LINC00305: variants seen among roughly 807,000 people sequenced by gnomAD.
LINC00305 encodes the protein long independently transcribed non-coding RNA 305.
chr18:64,084,545 T>C (rs939303835), intron 3 of LINC00305, among the ~76,000 whole-genome samples: 1 of 152,254 alleles, frequency 6.6e-6, no homozygotes, highest in African/African-American at 2.4e-5. Context: ...TATTTTTAGA[T>C]ATTTTACTCC....
At chr18:64,098,488 G>A (rs2051255602) in intron 2 of LINC00305, 1 of 414,762 alleles carries the variant, frequency 2.4e-6, no homozygotes, top group Non-Finnish European at 4.7e-6. Flanking sequence ...TTCTAATTTG[G>A]GAAACAAATT....
At chr18:64,134,303 AG>A in intron 1 of LINC00305, among the ~76,000 whole-genome samples, 1 of 152,330 alleles carries the variant, frequency 6.6e-6, no homozygotes, top group East Asian at 1.9e-4. Context: ...AGTTCTTATT[AG>A]CAGGAAAACA....
At chr18:64,124,434 A>G (rs567351838) in intron 1 of LINC00305, among the ~76,000 whole-genome samples, 1 of 152,226 alleles carries the variant, frequency 6.6e-6, no homozygotes, top group African/African-American at 2.4e-5. Flanking sequence ...CTGTGCTAAA[A>G]TCACACCATG....
At chr18:64,087,123 A>T (rs2051206429) in intron 3 of LINC00305, among the ~76,000 whole-genome samples, 1 of 152,226 alleles carries the variant, frequency 6.6e-6, no homozygotes, top group Non-Finnish European at 1.5e-5. Context: ...TATTATACAC[A>T]TGGAAATAGC....
chr18:64,099,579 T>TC (rs2051260231), intron 1 of LINC00305, among the ~76,000 whole-genome samples: 1 of 152,186 alleles, frequency 6.6e-6, no homozygotes, highest in South Asian at 2.1e-4. Context: ...TGCTAGCTGG[T>TC]CACCTGAATT....
chr18:64,120,295 A>G (rs1438245691), intron 1 of LINC00305, among the ~76,000 whole-genome samples: 3 of 152,040 alleles, frequency 2.0e-5, no homozygotes, highest in African/African-American at 7.2e-5. Context: ...TTGTTAGTTT[A>G]AAGAGATTCT....
At chr18:64,118,226 A>G (rs558822501) in intron 1 of LINC00305, among the ~76,000 whole-genome samples, 1 of 152,332 alleles carries the variant, frequency 6.6e-6, no homozygotes, top group African/African-American at 2.4e-5. Flanking sequence ...AAGAACATGC[A>G]CAATTATGTG....
intron 1 of LINC00305, among the ~76,000 whole-genome samples, chr18:64,130,347 G>A (rs1275951926): frequency 1.3e-5 from 2 of 151,980 alleles, no homozygotes; most frequent in African/African-American, 2.4e-5. Context: ...GAATAATTAG[G>A]TCCCTTTTTC....
chr18:64,088,237 T>C (rs2144893615), intron 3 of LINC00305, among the ~76,000 whole-genome samples: 1 of 152,338 alleles, frequency 6.6e-6, no homozygotes, highest in Middle Eastern at 3.4e-3. Context: ...GTGATTTTTC[T>C]CAACTCTTTC....
At chr18:64,117,702 A>T (rs1355013602) in intron 1 of LINC00305, among the ~76,000 whole-genome samples, 1 of 152,224 alleles carries the variant, frequency 6.6e-6, no homozygotes, top group Non-Finnish European at 1.5e-5. Flanking sequence ...ACTCAAGTGC[A>T]TGTAACGGTA....
intron 1 of LINC00305, among the ~76,000 whole-genome samples, chr18:64,137,398 G>A (rs55702708): frequency 0.071 from 10,881 of 152,198 alleles, 583 homozygotes; most frequent in Non-Finnish European, 0.12. Flanking sequence ...GACAACCCTG[G>A]GAAATTGCAA....
intron 1 of LINC00305, among the ~76,000 whole-genome samples, chr18:64,127,782 ATG>A (rs1270519636): frequency 6.6e-6 from 1 of 152,080 alleles, no homozygotes; most frequent in Admixed American, 6.6e-5. Flanking sequence ...ATGTTTTCCC[ATG>A]TGTGTTTCTG....
intron 3 of LINC00305, chr18:64,097,685 T>C (rs2051250046): frequency 3.2e-6 from 1 of 315,120 alleles, no homozygotes; most frequent in Non-Finnish European, 6.3e-6. Context: ...AGCTTTTAGA[T>C]TGCAAAAAAA....
intron 3 of LINC00305, among the ~76,000 whole-genome samples, chr18:64,081,211 T>C (rs2051183685): frequency 6.6e-6 from 1 of 152,260 alleles, no homozygotes; most frequent in African/African-American, 2.4e-5. Context: ...GATTTGAAGG[T>C]AGATGTACTC....
At position 64,103,452 on chromosome 18, in the gene LINC00305, G is replaced by A. The variant is rs558823748; in HGVS notation, n.315-4812C>T. On this transcript the variant is annotated intron_variant and non_coding_transcript_variant, in intron 1 of 3. Transcript: ENST00000666468. ...TTATCTTCCTTTTGCGGCACTTCTC[G>A]TCCTGGTTGTTTTCTCGTTGTCTTC... Among the ~76,000 whole-genome samples the A allele has an allele frequency of 1.8e-4, 28 of 152,184 alleles. 1 individual carries two copies. The highest frequency in any genetic ancestry group is 9.7e-4 in the East Asian group (5 of 5,178).
intron 1 of LINC00305, among the ~76,000 whole-genome samples, chr18:64,118,994 T>C (rs1337584727): frequency 6.6e-6 from 1 of 152,094 alleles, no homozygotes; most frequent in Admixed American, 6.6e-5. Context: ...TACAGCAATA[T>C]TTAATGAATA....
intron 1 of LINC00305, chr18:64,098,710 C>T (rs189356509): frequency 2.9e-5 from 11 of 375,154 alleles, no homozygotes; most frequent in South Asian, 1.9e-4. Context: ...AAGTGAGTAA[C>T]CCTGGGAGTG....
At chr18:64,104,417 C>T (rs1442984097) in intron 1 of LINC00305, among the ~76,000 whole-genome samples, 2 of 152,180 alleles carry the variant, frequency 1.3e-5, no homozygotes, top group East Asian at 3.8e-4. Flanking sequence ...AGGGAGTGTT[C>T]ATTTATGTGT....
chr18:64,139,589 A>ATG (rs2051451631), intron 1 of LINC00305: 1 of 152,244 alleles, frequency 6.6e-6, no homozygotes, highest in African/African-American at 2.4e-5. Flanking sequence ...AACAATGTAC[A>ATG]TGTGTGTGTA....
Sources: gnomAD v4.1 joint callset for allele counts (sites outside exome capture counted in the v4.1 genomes callset) on GRCh38, gnomAD v4.1.1 for gene constraint, MANE v1.5 for transcripts, NCBI Gene and HGNC (gene_info 2026-07-23, HGNC 2026-07-21) for gene names.